Variants in FAM114A1 observed in about 807,000 individuals in gnomAD.
FAM114A1 encodes the protein protein NOXP20.
A neutral mutation model predicts 64.3 loss-of-function variants in FAM114A1; 62 were observed. That is an observed-to-expected ratio of 0.96 (90% CI 0.79 to 1.19). FAM114A1 has a LOEUF of 1.19. Ranked by LOEUF, FAM114A1 falls within the 50% of genes most tolerant of loss-of-function variation. The probability of loss-of-function intolerance (pLI) is 0.00; values close to 1 mark genes in which losing one functional copy is unlikely to be tolerated. For missense variants in FAM114A1, 645 were observed against 676.3 expected (o/e 0.95, Z 0.51); for synonymous variants, 254 against 251.1 (o/e 1.01, Z -0.11).
At position 38,942,914 on chromosome 4, in the gene FAM114A1, G is replaced by A. The variant is rs1721680960; in HGVS notation, c.1591-542G>A. ...GTACACACACTGATGGATCTTAAAA[G>A]TCCATAGAAGTGGCTCATGCCTGTA... On this transcript the variant is annotated intron_variant, in intron 14 of 14. Coordinates refer to ENST00000358869, the MANE Select transcript of FAM114A1 (RefSeq NM_138389.4). Among the ~76,000 whole-genome samples, 6 of 152,202 alleles carry A rather than the reference G, an allele frequency of 3.9e-5. No homozygotes were observed. The South Asian group carries it at 1.2e-3, about 32-fold the overall frequency.
At chr4:38,892,611 C>T (rs1477627769) in intron 4 of FAM114A1, among the ~76,000 whole-genome samples, 1 of 152,136 alleles carries the variant, frequency 6.6e-6, no homozygotes, top group Non-Finnish European at 1.5e-5. Flanking sequence ...GAAGGTATAA[C>T]ATCAATATGT....
chr4:38,885,296 GTC>G (rs368707132), intron 3 of FAM114A1, among the ~76,000 whole-genome samples: 10 of 149,566 alleles, frequency 6.7e-5, no homozygotes, highest in Non-Finnish European at 8.9e-5. Flanking sequence ...TAAAAAAATA[GTC>G]TCTCTCTCTC....
chr4:38,870,166 C>A (rs1713893711), intron 2 of FAM114A1, among the ~76,000 whole-genome samples: 1 of 152,174 alleles, frequency 6.6e-6, no homozygotes, highest in South Asian at 2.1e-4. Flanking sequence ...TACCATCGCT[C>A]CCACCTCTCA....
chr4:38,923,137 A>G (rs1208160467), intron 9 of FAM114A1, among the ~76,000 whole-genome samples: 3 of 152,066 alleles, frequency 2.0e-5, no homozygotes, highest in African/African-American at 4.8e-5. Context: ...CATCACAGGC[A>G]TGCAGTAAAT....
intron 4 of FAM114A1, among the ~76,000 whole-genome samples, chr4:38,894,153 A>C (rs1716676900): frequency 8.7e-6 from 1 of 115,442 alleles, no homozygotes; most frequent in Admixed American, 9.9e-5. Flanking sequence ...ATAGAATGAG[A>C]GTATGTCTCA....
At chr4:38,905,901 C>T (rs1717956542) in intron 6 of FAM114A1, 40 bp downstream of exon 6, 10 of 1,538,942 alleles carry the variant, frequency 6.5e-6, no homozygotes, top group South Asian at 1.2e-5. Flanking sequence ...CCTGTATTTC[C>T]CAGGGCCTTC....
rs192569362 is a variant in FAM114A1 at position 38,935,208 on chromosome 4, C to A, written c.1464-510C>A. Among the ~76,000 whole-genome samples the A allele has an allele frequency of 2.6e-5, 4 of 152,304 alleles. No individual in the cohort carries two copies. The East Asian group carries it at 7.7e-4, about 29-fold the overall frequency. On this transcript the variant is annotated intron_variant, in intron 12 of 14. Coordinates refer to ENST00000358869, the MANE Select transcript of FAM114A1 (RefSeq NM_138389.4). ...GAGATTACAGGCGTGAGCCACTGTT[C>A]CCCGGCCACCTAACTTTCTTAAATG...
Position 38,931,548 on chromosome 4 carries a change from A to G in FAM114A1, c.1259A>G (p.Lys420Arg). 2 of 1,614,132 alleles carry G rather than the reference A, an allele frequency of 1.2e-6. No individual in the cohort carries two copies. The highest frequency in any genetic ancestry group is 2.2e-5 in the South Asian group (2 of 91,064). The change falls in exon 11 of 15, where the codon AAG (lysine) becomes AGG (arginine). Residue 420 changes from lysine (K) to arginine (R), a missense_variant. Transcript: ENST00000358869. ...GAAGAAGAAACAAAGAAGGAAGAAA[A>G]GGAAGAGAAATCTCAAGACCCTCAA... ...VSEEETKKEE[K>R]EEKSQDPQED...
chr4:38,878,172 G>T lies in FAM114A1; in HGVS notation c.94G>T (p.Val32Leu), dbSNP rs202009975. Residue 32 changes from valine to leucine, a missense_variant, in exon 3 of 15, where the codon GTG becomes TTG. Coordinates refer to ENST00000358869, the MANE Select transcript of FAM114A1 (RefSeq NM_138389.4). ...NSDSLPEDAE[V>L]HCDSAAVSHE... ...TGATTCTTTACCTGAGGATGCAGAAGTGCATTGTGATTCAGCTGCAGTTTC... is the reference window on the plus strand; with the variant it reads ...TGATTCTTTACCTGAGGATGCAGAATTGCATTGTGATTCAGCTGCAGTTTC... 1.2e-6 allele frequency: 2 copies of T among 1,614,248 alleles called. No individual in the cohort carries two copies. Among genetic ancestry groups the T allele is most frequent in the Admixed American group, 1.7e-5 (1 of 60,032 alleles).
rs779439658 is a variant in FAM114A1, at chr4:38,943,693, T to C, written c.*136T>C. ...ACTACAAGCAATTTTGCACAGACAA[T>C]ATTGAGAATGCAAATTTAGAGAGAG... is the stretch of plus-strand genomic sequence containing the variant. On this transcript the variant is annotated 3_prime_UTR_variant, in exon 15 of 15. Transcript: ENST00000358869. 1 of 589,614 alleles carries C rather than the reference T, an allele frequency of 1.7e-6. No homozygotes were observed. The highest frequency in any genetic ancestry group is 2.4e-5 in the South Asian group (1 of 41,284). The allele number at this position is 589,614 out of a possible 1,614,324, so 36.5% of individuals were successfully genotyped here.
chr4:38,869,755 A>C (rs1441771693), intron 2 of FAM114A1, among the ~76,000 whole-genome samples: 2 of 151,730 alleles, frequency 1.3e-5, no homozygotes, highest in African/African-American at 4.8e-5. Flanking sequence ...GACCTCACAC[A>C]GGATATCATG....
intron 8 of FAM114A1, 118 bp downstream of exon 8, chr4:38,915,191 C>A: frequency 7.7e-7 from 1 of 1,292,518 alleles, no homozygotes; most frequent in Non-Finnish European, 1.1e-6. Flanking sequence ...TATTATTGTG[C>A]TGAGGTCAGA....
intron 4 of FAM114A1, among the ~76,000 whole-genome samples, chr4:38,895,633 G>A (rs1604834): frequency 0.47 from 70,743 of 151,966 alleles, 16,640 homozygotes; most frequent in Middle Eastern, 0.59. Flanking sequence ...TCTTGGGGCC[G>A]TCTCTCAATA....
chr4:38,918,211 C>CGGAGTTTTTT (rs1719259711), intron 8 of FAM114A1, among the ~76,000 whole-genome samples: 4 of 151,982 alleles, frequency 2.6e-5, no homozygotes, highest in Non-Finnish European at 5.9e-5. Context: ...GCAGCAAGAG[C>CGGAGTTTTTT]GAAACTCCGT....
At chr4:38,910,162 C>T (rs188020279) in intron 7 of FAM114A1, among the ~76,000 whole-genome samples, 1 of 151,592 alleles carries the variant, frequency 6.6e-6, no homozygotes, top group African/African-American at 2.4e-5. Context: ...TTGCTTGAAC[C>T]AGGGAGGTGG....
At chr4:38,932,722 C>G (rs1001842608) in intron 12 of FAM114A1, among the ~76,000 whole-genome samples, 2 of 151,958 alleles carry the variant, frequency 1.3e-5, no homozygotes, top group African/African-American at 4.8e-5. Context: ...GTCTCAAACT[C>G]CTGAGCTCAA....
At chr4:38,895,238 A>T (rs1716812049) in intron 4 of FAM114A1, among the ~76,000 whole-genome samples, 1 of 152,174 alleles carries the variant, frequency 6.6e-6, no homozygotes, top group Non-Finnish European at 1.5e-5. Flanking sequence ...TTGTTGGCAG[A>T]ATTCAGATTT....
At chr4:38,920,099 C>G (rs1383825197) in intron 8 of FAM114A1, among the ~76,000 whole-genome samples, 1 of 151,880 alleles carries the variant, frequency 6.6e-6, no homozygotes, top group Non-Finnish European at 1.5e-5. Context: ...GTCCCAGCTA[C>G]TCAGGAGACA....
At chr4:38,900,217 G>A (rs1159656794) in intron 4 of FAM114A1, among the ~76,000 whole-genome samples, 2 of 125,402 alleles carry the variant, frequency 1.6e-5, no homozygotes, top group African/African-American at 6.1e-5. Flanking sequence ...TAAGAATGAC[G>A]ATTATTTTAA....
Sources: allele counts gnomAD v4.1 joint callset (sites outside exome capture counted in the v4.1 genomes callset), GRCh38; gene constraint gnomAD v4.1.1; transcripts MANE v1.5; gene names NCBI Gene and HGNC (gene_info 2026-07-23, HGNC 2026-07-21).